GRM7: variants seen among roughly 807,000 people sequenced by gnomAD.
GRM7 encodes the protein glutamate metabotropic receptor 7.
Under a neutral mutation model 84.5 loss-of-function variants are expected in GRM7, and 35 were observed. The ratio of observed to expected loss-of-function variants is 0.41; its 90% CI spans 0.32 to 0.55. The LOEUF is 0.55. Among genes scored for constraint, GRM7 ranks in the 20% least tolerant of loss-of-function variants. The pLI is 0.19. For synonymous variants in GRM7, 487 were observed against 455.1 expected (o/e 1.07, Z -0.89); for missense variants, 1,003 against 1,194.6 (o/e 0.84, Z 2.36).
At chr3:6,993,649 ACT>A (rs1414940818) in intron 1 of GRM7, among the ~76,000 whole-genome samples, 2 of 152,146 alleles carry the variant, frequency 1.3e-5, no homozygotes, top group Non-Finnish European at 2.9e-5. Flanking sequence ...GGTGGTAGAG[ACT>A]CTATTCAGAG....
At chr3:7,556,464 G>T (rs912440480) in intron 7 of GRM7, among the ~76,000 whole-genome samples, 3 of 152,110 alleles carry the variant, frequency 2.0e-5, no homozygotes, top group Admixed American at 1.3e-4. Context: ...CCAAAAAATT[G>T]CATGGCACAT....
intron 7 of GRM7, among the ~76,000 whole-genome samples, chr3:7,515,004 T>C (rs1267946012): frequency 6.6e-6 from 1 of 152,086 alleles, no homozygotes; most frequent in Non-Finnish European, 1.5e-5. Flanking sequence ...GATTTGACTT[T>C]TGGTTCTGTG....
intron 8 of GRM7, among the ~76,000 whole-genome samples, chr3:7,672,208 T>A (rs1699946027): frequency 6.6e-6 from 1 of 152,138 alleles, no homozygotes; most frequent in African/African-American, 2.4e-5. Context: ...GAATCCCAAT[T>A]GCAAACATTC....
intron 2 of GRM7, among the ~76,000 whole-genome samples, chr3:7,183,048 A>C (rs1423730737): frequency 6.6e-6 from 1 of 152,070 alleles, no homozygotes; most frequent in Non-Finnish European, 1.5e-5. Flanking sequence ...GCTGGGCATC[A>C]AAATGAATTA....
chr3:7,278,488 G>A (rs1372149978), intron 2 of GRM7, among the ~76,000 whole-genome samples: 1 of 151,996 alleles, frequency 6.6e-6, no homozygotes, highest in Non-Finnish European at 1.5e-5. Flanking sequence ...TAAGAGCAAA[G>A]ACTATCTTGT....
chr3:7,065,750 G>C (rs568719016), intron 1 of GRM7, among the ~76,000 whole-genome samples: 1 of 151,688 alleles, frequency 6.6e-6, no homozygotes, highest in South Asian at 2.1e-4. Flanking sequence ...TTCAGATGGA[G>C]ATTGCATTGA....
At chr3:7,600,310 G>A (rs1696253661) in intron 8 of GRM7, among the ~76,000 whole-genome samples, 1 of 152,078 alleles carries the variant, frequency 6.6e-6, no homozygotes, top group Non-Finnish European at 1.5e-5. Context: ...GAGAAATGTG[G>A]AATAAATGAG....
intron 2 of GRM7, among the ~76,000 whole-genome samples, chr3:7,187,688 G>C (rs941256043): frequency 1.6e-4 from 25 of 152,176 alleles, no homozygotes; most frequent in African/African-American, 6.0e-4. Flanking sequence ...GCAGATTAAG[G>C]AGCAGTTTAT....
intron 1 of GRM7, among the ~76,000 whole-genome samples, chr3:7,066,126 A>C (rs761938369): frequency 1.4e-4 from 22 of 151,878 alleles, no homozygotes; most frequent in Non-Finnish European, 2.7e-4. Context: ...GAACTAGAGA[A>C]ATAAGAACAA....
rs547884316 is a variant in GRM7 at position 7,512,805 on chromosome 3, G to A, written c.1515+51083G>A. On this transcript the variant is annotated intron_variant, in intron 7 of 9. Coordinates refer to ENST00000357716, the MANE Select transcript of GRM7 (RefSeq NM_000844.4). ...GTGCTTTGAGAAGGAGAAGACAGAC[G>A]TTTTTGGGGGAGTGCAGAAGGGAAA... is the stretch of plus-strand genomic sequence containing the variant. Among the ~76,000 whole-genome samples the A allele has an allele frequency of 1.0e-3, 157 of 152,212 alleles. 3 individuals are homozygous for A. The South Asian group carries it at 0.031, about 30-fold the overall frequency.
intron 4 of GRM7, among the ~76,000 whole-genome samples, chr3:7,312,963 C>G (rs1479619098): frequency 1.5e-5 from 2 of 137,168 alleles, no homozygotes; most frequent in African/African-American, 5.5e-5. Flanking sequence ...TTATCTCACT[C>G]TGTCACCCAG....
rs535257811 is a variant in GRM7 at position 7,099,583 on chromosome 3, T to C, written c.520-46869T>C. Among the ~76,000 whole-genome samples, 93 of 131,286 alleles carry C rather than the reference T, an allele frequency of 7.1e-4. 2 individuals carry two copies. The highest frequency in any genetic ancestry group is 9.8e-3 in the Middle Eastern group (2 of 204). The allele number at this position is 131,286 out of a possible 152,430, so 86.1% of individuals were successfully genotyped here. A position where few individuals can be genotyped will look rare whatever the true frequency, so the allele number is the denominator to read the frequency against. Reference sequence around the variant, plus strand: ...TACACGCATTATACATGTGCACATATATGTATATGTACACGCATTATACAT... The same window carrying C: ...TACACGCATTATACATGTGCACATACATGTATATGTACACGCATTATACAT... On this transcript the variant is annotated intron_variant, in intron 1 of 9. Transcript: ENST00000357716.
intron 1 of GRM7, among the ~76,000 whole-genome samples, chr3:6,869,847 C>G (rs1695062112): frequency 6.6e-6 from 1 of 152,180 alleles, no homozygotes; most frequent in African/African-American, 2.4e-5. Flanking sequence ...TGGACCCTTT[C>G]TACCTGCAGA....
At chr3:7,474,647 C>T (rs955988006) in intron 7 of GRM7, among the ~76,000 whole-genome samples, 1 of 152,008 alleles carries the variant, frequency 6.6e-6, no homozygotes, top group African/African-American at 2.4e-5. Context: ...TTTTTTTAAG[C>T]TAAATCTTAA....
chr3:7,713,881 G>C (rs780312353), intron 9 of GRM7, among the ~76,000 whole-genome samples: 174 of 138,726 alleles, frequency 1.3e-3, no homozygotes, highest in Non-Finnish European at 1.5e-3. Flanking sequence ...CTGGGAAGTG[G>C]AAACACACAT....
rs774461000 is a variant in GRM7 at position 7,378,410 on chromosome 3, T to C, written c.1034-36613T>C. ...AGATATGTATACTAATATGAAGTAATATTTTTCTACTTGCATAAGCTAAAC... is the reference window on the plus strand; with the variant it reads ...AGATATGTATACTAATATGAAGTAACATTTTTCTACTTGCATAAGCTAAAC... On this transcript the variant is annotated intron_variant, in intron 4 of 9. Coordinates refer to ENST00000357716, the MANE Select transcript of GRM7 (RefSeq NM_000844.4). Among the ~76,000 whole-genome samples the C allele has an allele frequency of 3.3e-5, 5 of 152,334 alleles. No homozygotes were observed. In the South Asian group the frequency reaches 1.0e-3, roughly 32 times the overall value.
intron 1 of GRM7, among the ~76,000 whole-genome samples, chr3:7,101,390 G>A (rs569111017): frequency 2.0e-4 from 31 of 151,582 alleles, no homozygotes; most frequent in Admixed American, 1.3e-3. Context: ...CTTGATTGTC[G>A]TATATCAATA....
At chr3:6,986,841 G>A (rs917385569) in intron 1 of GRM7, among the ~76,000 whole-genome samples, 10 of 152,122 alleles carry the variant, frequency 6.6e-5, no homozygotes, top group Admixed American at 2.6e-4. Context: ...CTCTGAGCAC[G>A]TGAGCTGCAT....
intron 5 of GRM7, among the ~76,000 whole-genome samples, chr3:7,440,794 T>G (rs1442245075): frequency 1.3e-5 from 2 of 152,182 alleles, no homozygotes; most frequent in African/African-American, 4.8e-5. Flanking sequence ...TGGCCTTCAG[T>G]TCCATCCTTG....
Sources: allele counts gnomAD v4.1 joint callset (sites outside exome capture counted in the v4.1 genomes callset), GRCh38; gene constraint gnomAD v4.1.1; transcripts MANE v1.5; gene names NCBI Gene and HGNC (gene_info 2026-07-23, HGNC 2026-07-21).